The following PDE1C variants were observed in gnomAD, a reference collection of about 807,000 sequenced individuals.
PDE1C encodes the protein dual specificity calcium/calmodulin-dependent 3',5'-cyclic nucleotide phosphodiesterase 1C.
PDE1C carries 62 observed loss-of-function variants against 93.1 expected under a neutral mutation model. That is an observed-to-expected ratio of 0.67 (90% CI 0.54 to 0.82). The LOEUF (loss-of-function observed/expected upper bound fraction) is 0.82. PDE1C is among the 40% of genes least tolerant of loss of function. The pLI, the probability that PDE1C is intolerant of heterozygous loss-of-function variation, is 0.00. For synonymous variants in PDE1C, 325 were observed against 310.1 expected, an observed-to-expected ratio of 1.05 and a Z score of -0.50; for missense variants, 742 against 884.6, an observed-to-expected ratio of 0.84 and a Z score of 2.04.
chr7:31,861,428 T>A (rs1227524949), intron 7 of PDE1C, among the ~76,000 whole-genome samples: 1 of 152,062 alleles, frequency 6.6e-6, no homozygotes, highest in African/African-American at 2.4e-5. Flanking sequence ...TCTACATGTT[T>A]ATCCCTGATC....
At chr7:31,946,659 G>C (rs149958724) in intron 2 of PDE1C, among the ~76,000 whole-genome samples, 102 of 152,250 alleles carry the variant, frequency 6.7e-4, no homozygotes, top group Middle Eastern at 3.4e-3. Flanking sequence ...CTGCTTCTTT[G>C]TTGGATTACC....
chr7:32,206,073 GT>G (rs1479212159), intron 2 of PDE1C, among the ~76,000 whole-genome samples: 2 of 152,148 alleles, frequency 1.3e-5, no homozygotes, highest in Non-Finnish European at 2.9e-5. Flanking sequence ...TTTTAGAGGG[GT>G]AAGGTTACCT....
intron 2 of PDE1C, among the ~76,000 whole-genome samples, chr7:31,900,031 C>G (rs1799780635): frequency 6.6e-6 from 1 of 152,170 alleles, no homozygotes; most frequent in African/African-American, 2.4e-5. Flanking sequence ...GCCAAGAAAC[C>G]TCACTCCAAG....
chr7:31,740,850 T>C, the PDE1C span, among the ~76,000 whole-genome samples: 1 of 152,106 alleles, frequency 6.6e-6, no homozygotes, highest in African/African-American at 2.4e-5. Flanking sequence ...AGAAGGATCA[T>C]TTTAAGTCAG....
At chr7:31,818,039 G>A (rs1303076118) in intron 14 of PDE1C, among the ~76,000 whole-genome samples, 1 of 152,092 alleles carries the variant, frequency 6.6e-6, no homozygotes, top group African/African-American at 2.4e-5. Flanking sequence ...AGAAGGAGGG[G>A]CAAGAATAGG....
intron 3 of PDE1C, among the ~76,000 whole-genome samples, chr7:32,100,541 C>T (rs1479408565): frequency 6.6e-6 from 1 of 152,172 alleles, no homozygotes; most frequent in East Asian, 1.9e-4. Flanking sequence ...TCAGTCCTGG[C>T]TAAGGCAGTG....
chr7:32,066,403 T>C (rs1478613648), intron 1 of PDE1C, among the ~76,000 whole-genome samples: 1 of 152,194 alleles, frequency 6.6e-6, no homozygotes, highest in Non-Finnish European at 1.5e-5. Flanking sequence ...ATCATCTTCA[T>C]GGAGTGTTAT....
At chr7:32,179,421 C>A (rs774239671) in intron 2 of PDE1C, among the ~76,000 whole-genome samples, 10 of 152,046 alleles carry the variant, frequency 6.6e-5, no homozygotes, top group Non-Finnish European at 1.5e-4. Context: ...CCACCATGCC[C>A]AGCTAATTTT....
chr7:31,718,691 C>G, the PDE1C span, among the ~76,000 whole-genome samples: 197 of 152,218 alleles, frequency 1.3e-3, no homozygotes, highest in African/African-American at 4.5e-3. Flanking sequence ...AGGGGGAATC[C>G]CTGTGTACCA....
chr7:31,739,038 T>A, the PDE1C span, among the ~76,000 whole-genome samples: 1 of 127,188 alleles, frequency 7.9e-6, no homozygotes, highest in Non-Finnish European at 1.6e-5. Flanking sequence ...ATGTACCTCA[T>A]CCTACACCCC....
intron 2 of PDE1C, among the ~76,000 whole-genome samples, chr7:32,197,036 A>G (rs1804674772): frequency 1.3e-5 from 2 of 152,202 alleles, no homozygotes; most frequent in Admixed American, 6.5e-5. Flanking sequence ...ATTTTCTTCA[A>G]CTTTTGGTTA....
chr7:32,359,101 G>A (rs1018315081), intron 1 of PDE1C, among the ~76,000 whole-genome samples: 1 of 152,020 alleles, frequency 6.6e-6, no homozygotes, highest in African/African-American at 2.4e-5. Context: ...CCCCACCTTT[G>A]GTATATAAGC....
In PDE1C at chr7:32,255,381, G is replaced by C. The variant is rs142933218; in HGVS notation, c.85+43270C>G. On this transcript the variant is annotated intron_variant, in intron 1 of 18. Transcript: ENST00000396193. ...TAGACCTCAGTTTGCATGTGGCTAGGCCACACTCAAACTTTTTAACTTGAG... is the reference window on the plus strand; with the variant it reads ...TAGACCTCAGTTTGCATGTGGCTAGCCCACACTCAAACTTTTTAACTTGAG... Among the ~76,000 whole-genome samples, 797 of 152,264 alleles carry C rather than the reference G, an allele frequency of 5.2e-3. 1 individual carries two copies. Among genetic ancestry groups the C allele is most frequent in the Middle Eastern group, 0.01 (3 of 294 alleles).
upstream of PDE1C, among the ~76,000 whole-genome samples, chr7:32,076,187 G>T (rs1796343886): frequency 6.6e-6 from 1 of 152,168 alleles, no homozygotes; most frequent in Non-Finnish European, 1.5e-5. Context: ...TCCAGGGGGT[G>T]ATATGTGACT....
intron 1 of PDE1C, among the ~76,000 whole-genome samples, chr7:32,374,275 G>GAAAA (rs1261555241): frequency 4.3e-4 from 63 of 145,828 alleles, no homozygotes; most frequent in Non-Finnish European, 6.4e-4. Flanking sequence ...AAGAAAGAAA[G>GAAAA]AAAGAAAGAA....
At position 31,820,193 on chromosome 7, in the gene PDE1C, A is replaced by C. The variant is rs147887653; in HGVS notation, c.1582+2880T>G. ...TATTATGATCCCAATTTGTCGGCAA[A>C]ATTTTTACTTATACATATGTACAGA... On this transcript the variant is annotated intron_variant, in intron 14 of 17. Transcript: ENST00000396191. 9.0e-3 allele frequency among the ~76,000 whole-genome samples: 1,368 copies of C among 152,192 alleles called. 6 individuals are homozygous for C. The highest frequency in any genetic ancestry group is 0.014 in the Non-Finnish European group (940 of 68,008).
At position 32,417,132 on chromosome 7, in the gene PDE1C, C is replaced by G. The variant is rs553210073; in HGVS notation, c.310+10690G>C. On this transcript the variant is annotated intron_variant, in intron 1 of 1. Transcript: ENST00000672256. ...CCAAAGCTGCGAGAAGCATTTACCA[C>G]GAGCTGAGCGGTCCCAGGGAGCATA... Among the ~76,000 whole-genome samples the G allele has an allele frequency of 5.7e-3, 865 of 152,256 alleles. 10 individuals are homozygous for G. Among genetic ancestry groups the G allele is most frequent in the African/African-American group, 0.02 (814 of 41,550 alleles).
At chr7:31,946,919 G>A (rs2129008916) in intron 2 of PDE1C, among the ~76,000 whole-genome samples, 1 of 152,278 alleles carries the variant, frequency 6.6e-6, no homozygotes, top group Middle Eastern at 3.4e-3. Flanking sequence ...CACTGTATCA[G>A]GCAGGAGGAA....
chr7:32,155,059 C>T (rs1333635494), intron 3 of PDE1C, among the ~76,000 whole-genome samples: 7 of 149,896 alleles, frequency 4.7e-5, no homozygotes, highest in Middle Eastern at 3.5e-3. Flanking sequence ...GGTGTGGCAC[C>T]GGCATTGGAT....
Sources: gnomAD v4.1 joint callset for allele counts (sites outside exome capture counted in the v4.1 genomes callset) on GRCh38, gnomAD v4.1.1 for gene constraint, MANE v1.5 for transcripts, NCBI Gene and HGNC (gene_info 2026-07-23, HGNC 2026-07-21) for gene names.